Variants in DOCK9 observed in about 807,000 individuals in gnomAD.
DOCK9 encodes the protein dedicator of cytokinesis protein 9.
Under a neutral mutation model 263.3 loss-of-function variants are expected in DOCK9, and 89 were observed. The observed-to-expected ratio is 0.34, with a 90% CI of 0.28 to 0.40. DOCK9 has a LOEUF of 0.40. DOCK9 is among the 10% of genes least tolerant of loss of function. DOCK9 has a pLI of 1.00. For synonymous variants in DOCK9, 976 were observed against 973.1 expected, an observed-to-expected ratio of 1.00 and a Z score of -0.06; for missense variants, 2,140 against 2,603.4, an observed-to-expected ratio of 0.82 and a Z score of 3.87.
intron 15 of DOCK9, among the ~76,000 whole-genome samples, chr13:98,889,171 C>T (rs1161547366): frequency 1.3e-5 from 2 of 152,102 alleles, no homozygotes; most frequent in Non-Finnish European, 2.9e-5. Context: ...GAATCATCAC[C>T]ATTTGGGGGA....
chr13:98,885,918 C>T, intron 19 of DOCK9, 87 bp from the exon 20 acceptor site: 2 of 1,275,520 alleles, frequency 1.6e-6, no homozygotes, highest in Non-Finnish European at 2.1e-6. Flanking sequence ...TTACCCAACG[C>T]ATAAACGTGC....
intron 32 of DOCK9, among the ~76,000 whole-genome samples, chr13:98,860,917 G>A (rs2093850022): frequency 6.6e-6 from 1 of 152,124 alleles, no homozygotes; most frequent in Non-Finnish European, 1.5e-5. Context: ...GCTTTTATCT[G>A]TAATGCGGGG....
At chr13:99,017,785 T>G (rs1885607946) in intron 1 of DOCK9, among the ~76,000 whole-genome samples, 1 of 152,186 alleles carries the variant, frequency 6.6e-6, no homozygotes, top group African/African-American at 2.4e-5. Flanking sequence ...TTAAGAAAGT[T>G]TACGAATTTT....
intron 27 of DOCK9, among the ~76,000 whole-genome samples, chr13:98,870,279 G>C (rs2094152276): frequency 6.6e-6 from 1 of 152,130 alleles, no homozygotes; most frequent in African/African-American, 2.4e-5. Context: ...CTTACATAGA[G>C]TCAAGAATCC....
At chr13:99,014,277 GAGCT>G (rs745796164) in intron 1 of DOCK9, among the ~76,000 whole-genome samples, 192 of 152,354 alleles carry the variant, frequency 1.3e-3, no homozygotes, top group Non-Finnish European at 1.3e-3. Context: ...GCGCTACAAG[GAGCT>G]AGTCCTTCTA....
intron 18 of DOCK9, among the ~76,000 whole-genome samples, chr13:98,886,907 C>A (rs893945495): frequency 3.9e-5 from 6 of 151,974 alleles, no homozygotes; most frequent in Non-Finnish European, 5.9e-5. Context: ...TTATGCAATT[C>A]TTCTGTCCAA....
Position 98,881,594 on chromosome 13 carries a change from C to T in DOCK9, c.2709G>A (p.Glu903=). 6.2e-7 allele frequency: 1 copy of T among 1,609,594 alleles called. No individual in the cohort carries two copies. Among genetic ancestry groups the T allele is most frequent in the Non-Finnish European group, 8.5e-7 (1 of 1,178,112 alleles). ...VIIHVVAQCH[E]EGLESHLRSY... ...ACCTCAAGTGGCTCTCCAATCCTTC[C>T]TCATGGCACTGGGCAACCACATGAA... is the stretch of plus-strand genomic sequence containing the variant. Residue 903 remains glutamate, a synonymous_variant, in exon 25 of 53, where the codon GAG becomes GAA. Coordinates refer to ENST00000682017, the MANE Select transcript of DOCK9 (RefSeq NM_001366683.2).
intron 19 of DOCK9, 59 bp from the exon 20 acceptor site, chr13:98,885,890 A>T: frequency 1.3e-6 from 2 of 1,532,294 alleles, no homozygotes; most frequent in Non-Finnish European, 1.8e-6. Flanking sequence ...CTCTCAGTGG[A>T]AGCAGAGACA....
intron 3 of DOCK9, among the ~76,000 whole-genome samples, chr13:98,927,926 T>C (rs1019936937): frequency 9.3e-5 from 14 of 151,134 alleles, no homozygotes; most frequent in African/African-American, 3.4e-4. Flanking sequence ...GCCAAGATTT[T>C]AATACCTTAG....
chr13:98,903,953 G>T (rs922580383), intron 10 of DOCK9, among the ~76,000 whole-genome samples: 1 of 152,122 alleles, frequency 6.6e-6, no homozygotes, highest in African/African-American at 2.4e-5. Flanking sequence ...TAGAACAGAG[G>T]TTACTAGGGG....
chr13:98,954,636 C>T (rs1170423399), intron 2 of DOCK9, among the ~76,000 whole-genome samples: 1 of 152,168 alleles, frequency 6.6e-6, no homozygotes, highest in South Asian at 2.1e-4. Flanking sequence ...TAACCTTGAA[C>T]GCTTTGCTGG....
intron 1 of DOCK9, among the ~76,000 whole-genome samples, chr13:99,027,475 G>A (rs184025176): frequency 1.3e-4 from 20 of 152,250 alleles, no homozygotes; most frequent in Admixed American, 2.0e-4. Flanking sequence ...CGAACACCAC[G>A]TGGAGTGCTA....
intron 39 of DOCK9, among the ~76,000 whole-genome samples, chr13:98,832,684 A>G (rs1415422404): frequency 2.0e-5 from 3 of 152,206 alleles, no homozygotes; most frequent in Non-Finnish European, 4.4e-5. Flanking sequence ...TTCGTGTCTA[A>G]TGTGCACAAC....
intron 1 of DOCK9, among the ~76,000 whole-genome samples, chr13:98,989,992 T>G (rs1255918480): frequency 1.3e-5 from 2 of 152,320 alleles, no homozygotes; most frequent in East Asian, 1.9e-4. Context: ...TTGAAACACT[T>G]GCTTAGCAGT....
At chr13:98,932,429 AAC>A (rs2054114544) in intron 2 of DOCK9, among the ~76,000 whole-genome samples, 1 of 151,300 alleles carries the variant, frequency 6.6e-6, no homozygotes, top group Non-Finnish European at 1.5e-5. Flanking sequence ...CAAACAAACA[AAC>A]AAAAAAACAG....
At chr13:98,959,743 C>A (rs2035771854) in intron 1 of DOCK9, among the ~76,000 whole-genome samples, 1 of 152,102 alleles carries the variant, frequency 6.6e-6, no homozygotes, top group African/African-American at 2.4e-5. Context: ...GATGGAGCCA[C>A]CCTGGGGAGG....
intron 45 of DOCK9, among the ~76,000 whole-genome samples, chr13:98,810,693 C>A (rs1275877643): frequency 6.6e-6 from 1 of 152,136 alleles, no homozygotes; most frequent in Non-Finnish European, 1.5e-5. Context: ...CCTTACTAAG[C>A]ATGATTTTAA....
At chr13:98,893,989 C>T (rs2047012843) in intron 15 of DOCK9, among the ~76,000 whole-genome samples, 1 of 152,196 alleles carries the variant, frequency 6.6e-6, no homozygotes, top group African/African-American at 2.4e-5. Context: ...CTGCTGAGCA[C>T]ATGCATGAAG....
intron 1 of DOCK9, among the ~76,000 whole-genome samples, chr13:99,058,425 G>T (rs1360232653): frequency 6.6e-6 from 1 of 152,140 alleles, no homozygotes; most frequent in Non-Finnish European, 1.5e-5. Flanking sequence ...GCCTCCCCAA[G>T]TGCTGGGATT....
Sources: gnomAD v4.1 joint callset for allele counts (sites outside exome capture counted in the v4.1 genomes callset) on GRCh38, gnomAD v4.1.1 for gene constraint, MANE v1.5 for transcripts, NCBI Gene and HGNC (gene_info 2026-07-23, HGNC 2026-07-21) for gene names.